The following KCNK13 variants were observed in gnomAD, a reference collection of about 807,000 sequenced individuals.
KCNK13 encodes potassium two pore domain channel subfamily K member 13, also known as potassium channel subfamily K member 13.
In KCNK13, 12 loss-of-function variants were observed where a neutral mutation model predicts 23.4. That is an observed-to-expected ratio of 0.51 (90% CI 0.33 to 0.83). KCNK13 has a LOEUF of 0.83. Among genes scored for constraint, KCNK13 ranks in the 40% least tolerant of loss-of-function variants. The probability of loss-of-function intolerance (pLI) is 0.02; values close to 1 mark genes in which losing one functional copy is unlikely to be tolerated. For synonymous variants in KCNK13, 231 were observed against 229.5 expected (o/e 1.01, Z -0.06); for missense variants, 463 against 556.3 (o/e 0.83, Z 1.69).
intron 1 of KCNK13, among the ~76,000 whole-genome samples, chr14:90,072,849 A>AT (rs371224339): frequency 2.3e-4 from 35 of 150,382 alleles, no homozygotes; most frequent in Admixed American, 6.6e-4. Context: ...GTTATATGTG[A>AT]TTTTTTTTTT....
At chr14:90,076,966 T>C (rs900689903) in intron 1 of KCNK13, among the ~76,000 whole-genome samples, 44 of 151,564 alleles carry the variant, frequency 2.9e-4, no homozygotes, top group Non-Finnish European at 5.6e-4. Context: ...ACTACAGGCA[T>C]CCGCCACCAC....
intron 1 of KCNK13, among the ~76,000 whole-genome samples, chr14:90,100,129 G>T (rs555240635): frequency 2.7e-4 from 41 of 152,140 alleles, no homozygotes; most frequent in Non-Finnish European, 4.1e-4. Context: ...TTTTGGAGTC[G>T]ATCCCACTTT....
chr14:90,117,493 G>A (rs1889690531), intron 1 of KCNK13, among the ~76,000 whole-genome samples: 1 of 152,100 alleles, frequency 6.6e-6, no homozygotes, highest in African/African-American at 2.4e-5. Context: ...GGGAGACCGA[G>A]GCAAGAGAAT....
Position 90,062,153 on chromosome 14 carries a change from C to G in KCNK13, c.-53C>G, listed in dbSNP as rs1384235076. The G allele has an allele frequency of 3.3e-6, 4 of 1,203,296 alleles. No homozygotes were observed. Among genetic ancestry groups the G allele is most frequent in the Non-Finnish European group, 3.2e-6 (3 of 929,620 alleles). The allele number at this position is 1,203,296 out of a possible 1,614,324, so 74.5% of individuals were successfully genotyped here. ...TTATTTCCCGGGGGTGTGGGCGAGA[C>G]TCCGCCGACGCCCGGTGCCGTGGGC... On this transcript the variant is annotated 5_prime_UTR_variant, in exon 1 of 2. Coordinates refer to ENST00000282146, the MANE Select transcript of KCNK13 (RefSeq NM_022054.4). This position sits in a 1 kb window ranked among gnomAD's most constrained non-coding sequence, Gnocchi z 4.5.
intron 1 of KCNK13, among the ~76,000 whole-genome samples, chr14:90,090,112 T>A (rs917553740): frequency 2.6e-5 from 4 of 152,144 alleles, no homozygotes; most frequent in African/African-American, 9.7e-5. Flanking sequence ...AAAGCCACTA[T>A]CCTCCAGACC....
intron 1 of KCNK13, among the ~76,000 whole-genome samples, chr14:90,183,411 C>T (rs1890510049): frequency 6.6e-6 from 1 of 151,966 alleles, no homozygotes; most frequent in Non-Finnish European, 1.5e-5. Flanking sequence ...CTTCTCCATC[C>T]CACCACCACC....
At position 90,184,989 on chromosome 14, in the gene KCNK13, A is replaced by G; in HGVS notation, c.1213A>G (p.Ser405Gly). Reference sequence around the variant, plus strand: ...CATGAACAACAGGTTGGCAGAGACCAGTGGGGACAGGTAGAAGCCAGGAGT... The same window carrying G: ...CATGAACAACAGGTTGGCAGAGACCGGTGGGGACAGGTAGAAGCCAGGAGT... ...AIMNNRLAET[S>G]GDR The change falls in exon 2 of 2, where the codon AGT (serine) becomes GGT (glycine). Residue 405 changes from serine to glycine, a missense_variant. By Grantham distance (56) the Ser-to-Gly change is moderately conservative (BLOSUM62 0). Transcript: ENST00000282146. This position sits in a 1 kb window ranked among gnomAD's most constrained non-coding sequence, Gnocchi z 5.6. 2 of 1,591,156 alleles carry G rather than the reference A, an allele frequency of 1.3e-6. No homozygotes were observed. Among genetic ancestry groups the G allele is most frequent in the Non-Finnish European group, 8.6e-7 (1 of 1,167,908 alleles).
chr14:90,093,673 T>TCTCCTCAGGGAGACAG lies in KCNK13; in HGVS notation c.334+31134_334+31135insCTCCTCAGGGAGACAG, dbSNP rs1566950259. Among the ~76,000 whole-genome samples, 9 of 152,284 alleles carry TCTCCTCAGGGAGACAG rather than the reference T, an allele frequency of 5.9e-5. No individual in the cohort carries two copies. In the South Asian group the frequency reaches 1.7e-3, roughly 28 times the overall value. On this transcript the variant is annotated intron_variant, in intron 1 of 1. Transcript: ENST00000282146. ...GGTTGGGGTTATTTGAGGTTTCCTG[T>TCTCCTCAGGGAGACAG]GGAGATTCTCTGTCTCCCATTCACT... is the stretch of plus-strand genomic sequence containing the variant.
intron 1 of KCNK13, among the ~76,000 whole-genome samples, chr14:90,148,019 C>G (rs762232543): frequency 6.6e-6 from 1 of 152,010 alleles, no homozygotes; most frequent in Non-Finnish European, 1.5e-5. Flanking sequence ...AAGTATTAGC[C>G]GAGCGTGGTG....
chr14:90,064,501 A>C (rs752684394), intron 1 of KCNK13, among the ~76,000 whole-genome samples: 6 of 152,170 alleles, frequency 3.9e-5, no homozygotes, highest in Non-Finnish European at 7.3e-5. Flanking sequence ...AACCTGGACA[A>C]AGAGTCTGGA....
At chr14:90,098,510 C>G (rs368587236) in intron 1 of KCNK13, among the ~76,000 whole-genome samples, 1 of 151,858 alleles carries the variant, frequency 6.6e-6, no homozygotes, top group African/African-American at 2.4e-5. Context: ...TTTGGGAGGC[C>G]GAGGTGGGCG....
intron 1 of KCNK13, among the ~76,000 whole-genome samples, chr14:90,083,628 C>A (rs1220935658): frequency 6.6e-6 from 1 of 152,194 alleles, no homozygotes; most frequent in East Asian, 1.9e-4. Flanking sequence ...GTTTGGCCTC[C>A]TTCTCTCTCT....
intron 1 of KCNK13, among the ~76,000 whole-genome samples, chr14:90,101,903 A>G (rs1396469092): frequency 1.3e-5 from 2 of 149,774 alleles, no homozygotes; most frequent in African/African-American, 2.4e-5. Context: ...TTTTTTTTTA[A>G]ACGGAGTTTT....
At chr14:90,182,809 C>T (rs1410831976) in intron 1 of KCNK13, among the ~76,000 whole-genome samples, 2 of 145,098 alleles carry the variant, frequency 1.4e-5, no homozygotes, top group African/African-American at 5.0e-5. Context: ...GGACAGAGAG[C>T]AAGATCCCAT....
intron 1 of KCNK13, among the ~76,000 whole-genome samples, chr14:90,100,817 C>G (rs28537286): frequency 0.49 from 74,596 of 151,560 alleles, 19,089 homozygotes; most frequent in South Asian, 0.64. Context: ...TCAGCCTCTC[C>G]AGCAGCTGGG....
intron 1 of KCNK13, among the ~76,000 whole-genome samples, chr14:90,116,288 G>C (rs1310626346): frequency 6.6e-6 from 1 of 152,102 alleles, no homozygotes; most frequent in East Asian, 1.9e-4. Flanking sequence ...TCTGTCTTCT[G>C]TCTGAATGGA....
intron 1 of KCNK13, among the ~76,000 whole-genome samples, chr14:90,100,375 G>A (rs1889460645): frequency 6.6e-6 from 1 of 152,152 alleles, no homozygotes; most frequent in Admixed American, 6.6e-5. Context: ...TAAACTGGAA[G>A]CTGATTCTGC....
chr14:90,181,918 C>G (rs1402625315), intron 1 of KCNK13, among the ~76,000 whole-genome samples: 1 of 152,168 alleles, frequency 6.6e-6, no homozygotes, highest in Non-Finnish European at 1.5e-5. Context: ...TTAGTAACTA[C>G]AGAAGCAATA....
chr14:90,074,672 CTG>C (rs1418998566), intron 1 of KCNK13, among the ~76,000 whole-genome samples: 3 of 152,064 alleles, frequency 2.0e-5, no homozygotes, highest in Non-Finnish European at 4.4e-5. Context: ...ATCCTGGTGT[CTG>C]TATTTATTTC....
Sources: gnomAD v4.1 joint callset for allele counts (sites outside exome capture counted in the v4.1 genomes callset) on GRCh38, gnomAD v4.1.1 for gene constraint, Gnocchi (gnomAD v3.1) non-coding constraint, MANE v1.5 for transcripts, NCBI Gene and HGNC (gene_info 2026-07-23, HGNC 2026-07-21) for gene names.